USP34: variants seen among roughly 807,000 people sequenced by gnomAD.
USP34 encodes the protein ubiquitin specific peptidase 34, also known as ubiquitin carboxyl-terminal hydrolase 34.
In USP34, 70 loss-of-function variants were observed where a neutral mutation model predicts 460.3. That is an observed-to-expected ratio of 0.15 (90% confidence interval 0.13 to 0.19). USP34 has a LOEUF of 0.19. USP34 is among the 10% of genes least tolerant of loss of function. The probability of loss-of-function intolerance (pLI) is 1.00; values close to 1 mark genes in which losing one functional copy is unlikely to be tolerated. For missense variants in USP34, 3,985 were observed against 4,236.2 expected, an observed-to-expected ratio of 0.94 and a Z score of 1.65; for synonymous variants, 1,647 against 1,405.3, an observed-to-expected ratio of 1.17 and a Z score of -3.85.
chr2:61,220,177 A>C, intron 67 of USP34, 133 bp downstream of exon 67: 1 of 484,726 alleles, frequency 2.1e-6, no homozygotes, highest in East Asian at 4.7e-5. Flanking sequence ...AAAAAAAAAA[A>C]AAAAAGGAAA....
chr2:61,271,992 T>C (rs1167825069), intron 41 of USP34, among the ~76,000 whole-genome samples: 1 of 152,226 alleles, frequency 6.6e-6, no homozygotes, highest in East Asian at 1.9e-4. Flanking sequence ...TAATTGACAT[T>C]TCAAATTTAA....
At chr2:61,349,431 T>G in intron 12 of USP34, 146 bp from the exon 13 acceptor site, 5 of 717,858 alleles carry the variant, frequency 7.0e-6, no homozygotes, top group Non-Finnish European at 1.1e-5. Context: ...CCTACAGTAG[T>G]TGTTGGGGGT....
At position 61,342,859 on chromosome 2, in the gene USP34, A is replaced by T. The variant is rs556049354; in HGVS notation, c.2500+956T>A. Among the ~76,000 whole-genome samples, 5 of 152,346 alleles carry T rather than the reference A, an allele frequency of 3.3e-5. No individual in the cohort carries two copies. The South Asian group carries it at 1.0e-3, about 32-fold the overall frequency. ...TAAAAAATAGGTAAAATATTGATTA[A>T]AGGAAAATTTGAGAAAAGAATGGTA... On this transcript the variant is annotated intron_variant, in intron 16 of 79. Transcript: ENST00000398571.
At position 61,348,412 on chromosome 2, in the gene USP34, G is replaced by A; in HGVS notation, c.1743C>T (p.Ser581=). 2 of 1,613,810 alleles carry A rather than the reference G, an allele frequency of 1.2e-6. No individual in the cohort carries two copies. The highest frequency in any genetic ancestry group is 1.7e-6 in the Non-Finnish European group (2 of 1,180,028). The change falls in exon 15 of 80, where the codon AGC becomes AGT. Residue 581 remains serine, a synonymous_variant. Coordinates refer to ENST00000398571, the MANE Select transcript of USP34 (RefSeq NM_014709.4). The stretch of plus-strand genomic sequence containing the variant: ...TAGATCCATCACTATGCCCACTACT[G>A]CTACCAGGACCACTGCTTCCATCTT... ...SGEDGSSGPG[S]SSGHSDGSSN...
chr2:61,361,540 G>A (rs1692275860), intron 10 of USP34, among the ~76,000 whole-genome samples: 1 of 152,154 alleles, frequency 6.6e-6, no homozygotes, highest in South Asian at 2.1e-4. Flanking sequence ...CCAGAAGGAT[G>A]CCAAGAACAT....
chr2:61,188,148 T>A lies in USP34; in HGVS notation c.10595A>T (p.His3532Leu). Residue 3532 changes from histidine to leucine, a missense_variant, in exon 80 of 80, where the codon CAT (histidine) becomes CTT (leucine). His to Leu is a moderately conservative substitution (Grantham distance 99, BLOSUM62 -3). Coordinates refer to ENST00000398571, the MANE Select transcript of USP34 (RefSeq NM_014709.4). ...TTTGCCAGATATCCTTGTGACGACATGGATTGTAGATTCAATGGTCCTACA... is the reference window on the plus strand; with the variant it reads ...TTTGCCAGATATCCTTGTGACGACAAGGATTGTAGATTCAATGGTCCTACA... ...TLCRTIESTI[H>L]VVTRISGKGN... 6.2e-7 allele frequency: 1 copy of A among 1,613,996 alleles called. No individual in the cohort carries two copies. The highest frequency in any genetic ancestry group is 8.5e-7 in the Non-Finnish European group (1 of 1,179,982).
chr2:61,361,313 T>C (rs560219746), intron 10 of USP34, among the ~76,000 whole-genome samples: 2 of 152,136 alleles, frequency 1.3e-5, no homozygotes, highest in Non-Finnish European at 2.9e-5. Flanking sequence ...CCTAGCTATT[T>C]TGAAAGGCTG....
At chr2:61,217,942 A>G (rs906079737) in intron 67 of USP34, among the ~76,000 whole-genome samples, 2 of 152,160 alleles carry the variant, frequency 1.3e-5, no homozygotes, top group African/African-American at 4.8e-5. Context: ...GCCACAGAGC[A>G]AGACTCCATC....
chr2:61,435,091 G>A (rs1694775737), intron 1 of USP34, among the ~76,000 whole-genome samples: 1 of 151,750 alleles, frequency 6.6e-6, no homozygotes, highest in Non-Finnish European at 1.5e-5. Flanking sequence ...ATTGCTTAAG[G>A]CCAGGAATTC....
chr2:61,210,694 A>C (rs1392808528), intron 69 of USP34, among the ~76,000 whole-genome samples: 1 of 152,144 alleles, frequency 6.6e-6, no homozygotes, highest in African/African-American at 2.4e-5. Context: ...TTCCTTTTTC[A>C]AGAAGAGTTA....
chr2:61,242,119 T>C (rs1050010803), intron 51 of USP34, among the ~76,000 whole-genome samples: 1 of 152,164 alleles, frequency 6.6e-6, no homozygotes, highest in East Asian at 1.9e-4. Context: ...GGCAAGAAAG[T>C]AGTTGGCCTT....
chr2:61,378,932 A>AAAAAAAAAAAAAAAT, intron 7 of USP34, among the ~76,000 whole-genome samples: 2 of 150,656 alleles, frequency 1.3e-5, no homozygotes, highest in African/African-American at 2.4e-5. Context: ...AAAAAAAAAA[A>AAAAAAAAAAAAAAAT]AAAAACAACA....
At chr2:61,196,451 G>A (rs778449975) in intron 75 of USP34, among the ~76,000 whole-genome samples, 1 of 151,742 alleles carries the variant, frequency 6.6e-6, no homozygotes, top group South Asian at 2.1e-4. Context: ...TCTCCCATTC[G>A]TGAGCTCAAG....
chr2:61,363,200 T>C (rs1692326069), intron 10 of USP34, among the ~76,000 whole-genome samples: 1 of 152,088 alleles, frequency 6.6e-6, no homozygotes, highest in African/African-American at 2.4e-5. Context: ...TTTTTCAAAA[T>C]GGAAGTAACA....
At chr2:61,312,584 A>G (rs1195863075) in intron 25 of USP34, among the ~76,000 whole-genome samples, 1 of 152,160 alleles carries the variant, frequency 6.6e-6, no homozygotes, top group African/African-American at 2.4e-5. Flanking sequence ...GAATGAATGA[A>G]CTTGTCTAAT....
intron 75 of USP34, among the ~76,000 whole-genome samples, chr2:61,195,932 G>A (rs1006585011): frequency 8.6e-5 from 13 of 151,592 alleles, no homozygotes; most frequent in Non-Finnish European, 1.2e-4. Context: ...TTGAGACAAG[G>A]TCTGGCTCTT....
intron 18 of USP34, among the ~76,000 whole-genome samples, chr2:61,335,564 C>T (rs1203743609): frequency 6.6e-6 from 1 of 152,082 alleles, no homozygotes; most frequent in East Asian, 1.9e-4. Flanking sequence ...CAGGGAAACA[C>T]AGTGAGACCC....
At chr2:61,414,688 A>C (rs1481742484) in intron 2 of USP34, among the ~76,000 whole-genome samples, 1 of 152,234 alleles carries the variant, frequency 6.6e-6, no homozygotes, top group Non-Finnish European at 1.5e-5. Context: ...AGATTTACTG[A>C]AAATGAAAGT....
At chr2:61,228,095 G>A (rs936821090) in intron 61 of USP34, among the ~76,000 whole-genome samples, 2 of 152,118 alleles carry the variant, frequency 1.3e-5, no homozygotes, top group Admixed American at 1.3e-4. Context: ...AAGTCACTGT[G>A]ATCTAAAACA....
Sources: allele counts gnomAD v4.1 joint callset (sites outside exome capture counted in the v4.1 genomes callset), GRCh38; gene constraint gnomAD v4.1.1; transcripts MANE v1.5; gene names NCBI Gene and HGNC (gene_info 2026-07-23, HGNC 2026-07-21).